The following NRXN3 variants were observed in gnomAD, a reference collection of about 807,000 sequenced individuals.
NRXN3 encodes neurexin III.
A neutral mutation model predicts 137.6 loss-of-function variants in NRXN3; 32 were observed. The ratio of observed to expected loss-of-function variants is 0.23; its 90% CI spans 0.18 to 0.31. The LOEUF is 0.31. Among genes scored for constraint, NRXN3 ranks in the 10% least tolerant of loss-of-function variants. The probability of loss-of-function intolerance (pLI) is 1.00; values close to 1 mark genes in which losing one functional copy is unlikely to be tolerated. For missense variants in NRXN3, 1,574 were observed against 2,062.5 expected (o/e 0.76, Z 4.59); for synonymous variants, 798 against 784.5 (o/e 1.02, Z -0.29).
At chr14:79,532,258 C>T (rs2097176221) in intron 16 of NRXN3, among the ~76,000 whole-genome samples, 1 of 152,110 alleles carries the variant, frequency 6.6e-6, no homozygotes, top group African/African-American at 2.4e-5. Flanking sequence ...ATCTATGATA[C>T]CTATCCTGAC....
At chr14:79,649,071 A>G (rs961220607) in intron 16 of NRXN3, among the ~76,000 whole-genome samples, 2 of 152,144 alleles carry the variant, frequency 1.3e-5, no homozygotes, top group Non-Finnish European at 2.9e-5. Flanking sequence ...GCCACACTCA[A>G]TCTAATTCCT....
chr14:78,498,799 CT>C (rs5809894), intron 4 of NRXN3, among the ~76,000 whole-genome samples: 4 of 150,464 alleles, frequency 2.7e-5, no homozygotes, highest in East Asian at 3.9e-4. Flanking sequence ...TTTTCTTTTT[CT>C]TTTTTTTTGA....
chr14:79,091,794 AAG>A (rs2049250506), intron 15 of NRXN3, among the ~76,000 whole-genome samples: 1 of 152,092 alleles, frequency 6.6e-6, no homozygotes, highest in African/African-American at 2.4e-5. Context: ...ACCATTTACC[AAG>A]TAGGAACAAA....
At chr14:79,103,860 T>A (rs760903699) in intron 15 of NRXN3, among the ~76,000 whole-genome samples, 2 of 152,186 alleles carry the variant, frequency 1.3e-5, no homozygotes, top group Non-Finnish European at 2.9e-5. Flanking sequence ...CCAACATACA[T>A]ACACATCTGT....
At position 78,242,900 on chromosome 14, in the gene NRXN3, C is replaced by A; in HGVS notation, c.-194C>A. 1 of 510,378 alleles carries A rather than the reference C, an allele frequency of 2.0e-6. No homozygotes were observed. The highest frequency in any genetic ancestry group is 3.4e-6 in the Non-Finnish European group (1 of 292,454). 31.6% of individuals were successfully genotyped at this position (510,378 alleles called of 1,614,324 possible). A position where few individuals can be genotyped will look rare whatever the true frequency, so the allele number is the denominator to read the frequency against. On this transcript the variant is annotated 5_prime_UTR_variant, in exon 2 of 21. Coordinates refer to ENST00000335750, the MANE Select transcript of NRXN3 (RefSeq NM_001330195.2). ...TTATTCAATTTCTTGCTTGTGTGCC[C>A]CTCTGGGACTCTCTTGTACACTTTC...
At chr14:78,234,015 C>T (rs1305050109) in intron 1 of NRXN3, among the ~76,000 whole-genome samples, 1 of 152,166 alleles carries the variant, frequency 6.6e-6, no homozygotes, top group Non-Finnish European at 1.5e-5. Context: ...AGATCTTTCC[C>T]AAGCTGTTCT....
In NRXN3 at chr14:79,394,876, G is replaced by C. The variant is rs193003352; in HGVS notation, c.3263-72345G>C. On this transcript the variant is annotated intron_variant, in intron 15 of 20. Transcript: ENST00000335750. Reference sequence around the variant, plus strand: ...ACGATAACTGACTTGCTCGATCAAGGTCACTTACCTGGTAAATTGCTGAGC... The same window carrying C: ...ACGATAACTGACTTGCTCGATCAAGCTCACTTACCTGGTAAATTGCTGAGC... Among the ~76,000 whole-genome samples the C allele has an allele frequency of 1.9e-3, 292 of 152,234 alleles. 5 individuals are homozygous for C. Among genetic ancestry groups the C allele is most frequent in the Admixed American group, 5.8e-3 (89 of 15,302 alleles).
At chr14:79,349,536 AAAAAAAAATACACAC>A (rs2093087778) in intron 15 of NRXN3, among the ~76,000 whole-genome samples, 1 of 123,698 alleles carries the variant, frequency 8.1e-6, no homozygotes, top group African/African-American at 3.7e-5. Flanking sequence ...CCTCCCCGGG[AAAAAAAAATACACAC>A]ACACACACAC....
intron 4 of NRXN3, among the ~76,000 whole-genome samples, chr14:78,352,068 A>G (rs2083593462): frequency 2.2e-5 from 3 of 135,586 alleles, no homozygotes; most frequent in Admixed American, 1.6e-4. Flanking sequence ...AGCCTGGGCA[A>G]CAGAGTCAGA....
intron 20 of NRXN3, among the ~76,000 whole-genome samples, chr14:79,816,231 G>T (rs1225806211): frequency 6.6e-6 from 1 of 152,140 alleles, no homozygotes; most frequent in African/African-American, 2.4e-5. Context: ...AAATCTGTTT[G>T]AAAATAGACA....
chr14:79,219,607 A>G (rs2069166787), intron 15 of NRXN3, among the ~76,000 whole-genome samples: 1 of 152,184 alleles, frequency 6.6e-6, no homozygotes, highest in African/African-American at 2.4e-5. Context: ...CTGGGATACT[A>G]AGAAGACCTG....
At chr14:78,525,318 A>G (rs1223641817) in intron 4 of NRXN3, among the ~76,000 whole-genome samples, 1 of 152,246 alleles carries the variant, frequency 6.6e-6, no homozygotes, top group African/African-American at 2.4e-5. Context: ...TGTTGTGCTG[A>G]ATCAGAGGAT....
At chr14:78,634,961 C>A (rs1247307746) in intron 4 of NRXN3, among the ~76,000 whole-genome samples, 2 of 152,044 alleles carry the variant, frequency 1.3e-5, no homozygotes, top group African/African-American at 4.8e-5. Flanking sequence ...TTCTTTAATA[C>A]CTTATACTTC....
intron 10 of NRXN3, among the ~76,000 whole-genome samples, chr14:78,877,139 T>G (rs1050523534): frequency 1.3e-5 from 2 of 152,230 alleles, no homozygotes; most frequent in Admixed American, 1.3e-4. Flanking sequence ...GGTTCATTCA[T>G]TCAATTGCTT....
At chr14:78,677,530 T>C (rs529994061) in intron 6 of NRXN3, among the ~76,000 whole-genome samples, 1 of 152,162 alleles carries the variant, frequency 6.6e-6, no homozygotes, top group Middle Eastern at 3.4e-3. Flanking sequence ...GGATTTGCAA[T>C]AAAAGAGCAG....
At chr14:78,586,208 A>G (rs1187075010) in intron 4 of NRXN3, among the ~76,000 whole-genome samples, 1 of 152,166 alleles carries the variant, frequency 6.6e-6, no homozygotes, top group Non-Finnish European at 1.5e-5. Context: ...GGCCAACAAA[A>G]TCTACCATCT....
rs57232548 is a variant in NRXN3, at chr14:78,510,040, T to TTATATATATATATATATA, written c.758-135078_758-135061dup. On this transcript the variant is annotated intron_variant, in intron 4 of 20. Coordinates refer to ENST00000335750, the MANE Select transcript of NRXN3 (RefSeq NM_001330195.2). Reference sequence around the variant, plus strand: ...AAGGCAGCCAGAACATGACAAAATTTTATATATATATATATATATTTTGGC... The same window carrying TTATATATATATATATATA: ...AAGGCAGCCAGAACATGACAAAATTTTATATATATATATATATATATATATATATATATATATTTTGGC... Among the ~76,000 whole-genome samples, 1,198 of 144,370 alleles carry TTATATATATATATATATA rather than the reference T, an allele frequency of 8.3e-3. 30 individuals are homozygous for TTATATATATATATATATA. Among genetic ancestry groups the TTATATATATATATATATA allele is most frequent in the African/African-American group, 0.03 (1,087 of 36,472 alleles). 94.7% of individuals were successfully genotyped at this position (144,370 alleles called of 152,430 possible). A position where few individuals can be genotyped will look rare whatever the true frequency, so the allele number is the denominator to read the frequency against.
At chr14:78,179,458 G>T (rs2059581982) in intron 1 of NRXN3, among the ~76,000 whole-genome samples, 1 of 152,168 alleles carries the variant, frequency 6.6e-6, no homozygotes, top group Non-Finnish European at 1.5e-5. Context: ...TCGATTTCTG[G>T]GTGGAGGAAA....
chr14:78,506,013 C>T (rs975439263), intron 4 of NRXN3, among the ~76,000 whole-genome samples: 4 of 152,118 alleles, frequency 2.6e-5, no homozygotes, highest in Non-Finnish European at 5.9e-5. Flanking sequence ...GATCTACCCT[C>T]AAGAAACTTT....
Sources: allele counts gnomAD v4.1 joint callset (sites outside exome capture counted in the v4.1 genomes callset), GRCh38; gene constraint gnomAD v4.1.1; transcripts MANE v1.5; gene names NCBI Gene and HGNC (gene_info 2026-07-23, HGNC 2026-07-21).